Variants in NETO2 observed in about 807,000 individuals in gnomAD.
NETO2 encodes the protein neuropilin and tolloid-like protein 2.
A neutral mutation model predicts 62.5 loss-of-function variants in NETO2; 28 were observed. That is an observed-to-expected ratio of 0.45 (90% CI 0.33 to 0.61). The LOEUF is 0.61. NETO2 is among the 20% of genes least tolerant of loss of function. NETO2 has a pLI of 0.02. For synonymous variants in NETO2, 214 were observed against 219.1 expected (o/e 0.98, Z 0.21); for missense variants, 548 against 643.2 (o/e 0.85, Z 1.60).
At chr16:47,135,078 A>G (rs1325830929) in intron 1 of NETO2, among the ~76,000 whole-genome samples, 1 of 152,232 alleles carries the variant, frequency 6.6e-6, no homozygotes, top group Non-Finnish European at 1.5e-5. Context: ...AGATGTACTG[A>G]TACAGTTTTT....
chr16:47,107,656 T>A (rs1963703190), intron 7 of NETO2, among the ~76,000 whole-genome samples: 3 of 152,182 alleles, frequency 2.0e-5, no homozygotes, highest in South Asian at 4.1e-4. Flanking sequence ...TGCCGTAAAG[T>A]AAGAAAATAA....
At chr16:47,097,344 CA>C (rs1411385141) in intron 7 of NETO2, among the ~76,000 whole-genome samples, 1 of 152,184 alleles carries the variant, frequency 6.6e-6, no homozygotes, top group Non-Finnish European at 1.5e-5. Flanking sequence ...GGGGGAGGGG[CA>C]TCTGCCATGA....
At chr16:47,100,354 T>C (rs1458253962) in intron 7 of NETO2, among the ~76,000 whole-genome samples, 3 of 152,076 alleles carry the variant, frequency 2.0e-5, no homozygotes, top group African/African-American at 7.2e-5. Flanking sequence ...CAGGAGAAGG[T>C]GGGAAAGATC....
At chr16:47,139,972 A>G (rs886165231) in intron 1 of NETO2, among the ~76,000 whole-genome samples, 4 of 152,194 alleles carry the variant, frequency 2.6e-5, no homozygotes, top group African/African-American at 4.8e-5. Flanking sequence ...GTAATTTCCA[A>G]TGTTACTCCA....
Position 47,078,073 on chromosome 16 carries a change from C to A in NETO2, c.*5148G>T, listed in dbSNP as rs2143772912. The A allele has an allele frequency of 6.6e-6, 1 of 152,312 alleles. No homozygotes were observed. Among genetic ancestry groups the A allele is most frequent in the African/African-American group, 2.4e-5 (1 of 41,568 alleles). The allele number at this position is 152,312 out of a possible 1,614,324, so 9.4% of individuals were successfully genotyped here. On this transcript the variant is annotated 3_prime_UTR_variant, in exon 9 of 9. Coordinates refer to ENST00000562435, the MANE Select transcript of NETO2 (RefSeq NM_018092.5). Reference sequence around the variant, plus strand: ...ACTGCAACCTGCAGGCAACCTGGGACAAAACGCATTTTTTTCTTTAGTTCA... The same window carrying A: ...ACTGCAACCTGCAGGCAACCTGGGAAAAAACGCATTTTTTTCTTTAGTTCA...
In NETO2 at chr16:47,133,024, CCAGA is replaced by C. The variant is rs781781688; in HGVS notation, c.35-1003_35-1000del. Among the ~76,000 whole-genome samples the C allele has an allele frequency of 1.4e-4, 21 of 152,182 alleles. No homozygotes were observed. In the East Asian group the frequency reaches 3.5e-3, roughly 25 times the overall value. The stretch of plus-strand genomic sequence containing the variant: ...ATAATGTATATAGTATTTTTATGTG[CCAGA>C]CATTCTGCTAAATAAATGATGGATA... On this transcript the variant is annotated intron_variant, in intron 1 of 8. Transcript: ENST00000562435.
chr16:47,109,458 A>C, intron 7 of NETO2, 25 bp downstream of exon 7: 3 of 1,534,754 alleles, frequency 2.0e-6, no homozygotes, highest in Non-Finnish European at 2.7e-6. Context: ...AAAAGATCTC[A>C]ATACTATAGG....
intron 7 of NETO2, among the ~76,000 whole-genome samples, chr16:47,091,134 A>T (rs1054579795): frequency 1.3e-5 from 2 of 152,184 alleles, no homozygotes; most frequent in Non-Finnish European, 2.9e-5. Flanking sequence ...TCTTGTTTTT[A>T]AAAAACTCTG....
intron 6 of NETO2, among the ~76,000 whole-genome samples, chr16:47,116,744 TAG>T (rs776633986): frequency 2.0e-5 from 3 of 152,222 alleles, no homozygotes; most frequent in Non-Finnish European, 4.4e-5. Flanking sequence ...CATCTAGGCC[TAG>T]AGTTTTCTTT....
chr16:47,119,628 TCTTAA>T (rs1165509064), intron 6 of NETO2, among the ~76,000 whole-genome samples: 4 of 152,088 alleles, frequency 2.6e-5, no homozygotes, highest in African/African-American at 7.2e-5. Flanking sequence ...ACTTCTTGAG[TCTTAA>T]CTTATTAAAT....
intron 7 of NETO2, among the ~76,000 whole-genome samples, chr16:47,094,835 C>CA (rs1456155875): frequency 1.3e-5 from 2 of 152,176 alleles, no homozygotes; most frequent in Non-Finnish European, 2.9e-5. Context: ...CCTCCCATCT[C>CA]AGTCTCCTGA....
rs16952500 is a variant in NETO2 at position 47,129,380 on chromosome 16, C to A, written c.92-16G>T. On this transcript the variant is annotated splice_polypyrimidine_tract_variant and intron_variant, in intron 2 of 8. Coordinates refer to ENST00000562435, the MANE Select transcript of NETO2 (RefSeq NM_018092.5). ...TTTTGTCCATCTTAGGGAAAAACGGCATTTAAAACACTCATTACAGCAAAA... is the reference window on the plus strand; with the variant it reads ...TTTTGTCCATCTTAGGGAAAAACGGAATTTAAAACACTCATTACAGCAAAA... 5,950 of 1,612,030 alleles carry A rather than the reference C, an allele frequency of 3.7e-3. 192 individuals carry two copies. In the African/African-American group the frequency reaches 0.069, roughly 19 times the overall value.
At chr16:47,122,560 T>C in intron 6 of NETO2, 97 bp downstream of exon 6, 1 of 1,359,936 alleles carries the variant, frequency 7.4e-7, no homozygotes. Context: ...TCAGTTTATG[T>C]AGTCAATAAA....
chr16:47,095,767 A>T (rs1052809742), intron 7 of NETO2, among the ~76,000 whole-genome samples: 1 of 152,202 alleles, frequency 6.6e-6, no homozygotes, highest in Non-Finnish European at 1.5e-5. Flanking sequence ...CAGGCAGAAC[A>T]TCAATAAGAA....
intron 7 of NETO2, among the ~76,000 whole-genome samples, chr16:47,097,612 C>T (rs191001668): frequency 7.3e-4 from 111 of 152,324 alleles, no homozygotes; most frequent in Non-Finnish European, 4.9e-4. Flanking sequence ...CAGACTTAAA[C>T]GTTCCTGCCT....
intron 4 of NETO2, among the ~76,000 whole-genome samples, chr16:47,127,146 G>C (rs1964173003): frequency 6.6e-6 from 1 of 152,128 alleles, no homozygotes. Context: ...TAAATTTCTT[G>C]CACGAAAAAT....
intron 2 of NETO2, among the ~76,000 whole-genome samples, chr16:47,131,279 T>A (rs561446975): frequency 6.6e-6 from 1 of 152,028 alleles, no homozygotes; most frequent in African/African-American, 2.4e-5. Flanking sequence ...CGGTGAAAAA[T>A]CATTATCTAA....
chr16:47,088,800 A>G (rs1963251888), intron 7 of NETO2, among the ~76,000 whole-genome samples: 1 of 152,192 alleles, frequency 6.6e-6, no homozygotes, highest in Non-Finnish European at 1.5e-5. Context: ...CAGTAATAAA[A>G]CTGACATGTT....
In NETO2 at chr16:47,083,181, C is replaced by T. The variant is rs201910179; in HGVS notation, c.*40G>A. The T allele has an allele frequency of 1.4e-5, 22 of 1,546,458 alleles. No individual in the cohort carries two copies. Among genetic ancestry groups the T allele is most frequent in the East Asian group, 6.8e-5 (3 of 44,390 alleles). ...AGTATGGTGCCCTGGAGGCTGCGTACGTACACACCCTAAGAATTCACATCA... is the reference window on the plus strand; with the variant it reads ...AGTATGGTGCCCTGGAGGCTGCGTATGTACACACCCTAAGAATTCACATCA... On this transcript the variant is annotated 3_prime_UTR_variant, in exon 9 of 9. Coordinates refer to ENST00000562435, the MANE Select transcript of NETO2 (RefSeq NM_018092.5).
Sources: allele counts gnomAD v4.1 joint callset (sites outside exome capture counted in the v4.1 genomes callset), GRCh38; gene constraint gnomAD v4.1.1; transcripts MANE v1.5; gene names NCBI Gene and HGNC (gene_info 2026-07-23, HGNC 2026-07-21).